MTM1: variants seen among roughly 807,000 people sequenced by gnomAD.
The protein encoded by MTM1 is myotubularin.
In MTM1, 9 loss-of-function variants were observed where a neutral mutation model predicts 52.1. The observed-to-expected ratio is 0.17, with a 90% CI of 0.10 to 0.30. The LOEUF (loss-of-function observed/expected upper bound fraction) is 0.30. Among genes scored for constraint, MTM1 ranks in the 10% least tolerant of loss-of-function variants. The pLI is 1.00. For synonymous variants in MTM1, 136 were observed against 163.8 expected, an observed-to-expected ratio of 0.83 and a Z score of 1.29; for missense variants, 277 against 470.7, an observed-to-expected ratio of 0.59 and a Z score of 3.81.
chrX:150,577,266 A>G (rs1489667957), intron 1 of MTM1, among the ~76,000 whole-genome samples: 1 of 112,498 alleles, frequency 8.9e-6, no homozygotes, highest in Non-Finnish European at 1.9e-5. Flanking sequence ...AGCTGCCATG[A>G]ACATTCACAT....
chrX:150,591,006 G>C (rs1218275433), intron 1 of MTM1: 9 of 745,740 alleles, frequency 1.2e-5, no homozygotes, highest in Middle Eastern at 7.5e-4. Context: ...CTATCTCTGA[G>C]AATAATGGGT....
chrX:150,614,609 T>C lies in MTM1; in HGVS notation c.252T>C (p.Asp84=), dbSNP rs1569565437. ...SLETDSSLIL[D]VPLGVISRIE... ...TACAGGATTCTTCTCTAATACTTGA[T>C]GTTCCTCTGGGTGTGATCTCGAGAA... Residue 84 remains aspartate, a synonymous_variant, in exon 5 of 15, where the codon GAT becomes GAC. Coordinates refer to ENST00000370396, the MANE Select transcript of MTM1 (RefSeq NM_000252.3). The C allele has an allele frequency of 8.4e-7, 1 of 1,195,578 alleles. No individual in the cohort carries two copies.
intron 6 of MTM1, among the ~76,000 whole-genome samples, chrX:150,631,814 T>C (rs1266267163): frequency 9.0e-6 from 1 of 111,712 alleles, no homozygotes; most frequent in African/African-American, 3.3e-5. Flanking sequence ...AACTCTTTCT[T>C]CCCCTCTTGT....
chrX:150,572,442 C>T (rs1346347923), intron 1 of MTM1, among the ~76,000 whole-genome samples: 1 of 112,205 alleles, frequency 8.9e-6, no homozygotes, highest in Admixed American at 9.4e-5. Flanking sequence ...TGTGGCCTCT[C>T]TGCCTCAATC....
At position 150,671,536 on chromosome X, in the gene MTM1, C is replaced by G. The variant is rs1195705222; in HGVS notation, c.1753C>G (p.Pro585Ala). Residue 585 changes from proline to alanine, a missense_variant, in exon 15 of 15, where the codon CCC becomes GCC. By Grantham distance (27) the Pro-to-Ala change is conservative. Transcript: ENST00000370396. ...CGCCAACTCTGCCAAGCTTTCTGAT[C>G]CCCCAACTTCACCTTCCAGTCCTTC... ...QLANSAKLSD[P>A]PTSPSSPSQM... The G allele has an allele frequency of 1.7e-6, 2 of 1,211,332 alleles. No individual in the cohort carries two copies.
At position 150,659,568 on chromosome X, in the gene MTM1, G is replaced by C. The variant is rs938554847; in HGVS notation, c.1261-96G>C. The C allele has an allele frequency of 5.0e-5, 34 of 674,376 alleles. No individual in the cohort carries two copies. In the South Asian group the frequency reaches 7.7e-4, roughly 15 times the overall value. 55.6% of individuals were successfully genotyped at this position (674,376 alleles called of 1,213,427 possible). The stretch of plus-strand genomic sequence containing the variant: ...CTCTGAGAAACTTGGCATTTAGAAG[G>C]CACATTGCTGAATTGTATTGTCACA... On this transcript the variant is annotated intron_variant, in intron 11 of 14. Transcript: ENST00000370396.
At chrX:150,615,049 G>A (rs2039357769) in intron 5 of MTM1, among the ~76,000 whole-genome samples, 1 of 111,641 alleles carries the variant, frequency 9.0e-6, no homozygotes, top group African/African-American at 3.3e-5. Flanking sequence ...AAGGAAGGAG[G>A]AATAGAAGAG....
intron 3 of MTM1, among the ~76,000 whole-genome samples, chrX:150,598,036 A>G (rs1270695345): frequency 8.9e-6 from 1 of 111,849 alleles, no homozygotes; most frequent in African/African-American, 3.2e-5. Context: ...GCAGTGAGCC[A>G]TGATTGTGCC....
At chrX:150,640,233 C>G (rs1557413817) in intron 7 of MTM1, among the ~76,000 whole-genome samples, 1 of 111,718 alleles carries the variant, frequency 9.0e-6, no homozygotes, top group Non-Finnish European at 1.9e-5. Context: ...AACATTAAGA[C>G]TTTTTTTTAG....
chrX:150,669,338 A>C (rs1172886824), intron 14 of MTM1, among the ~76,000 whole-genome samples: 1 of 112,119 alleles, frequency 8.9e-6, no homozygotes, highest in East Asian at 2.8e-4. Context: ...TGCAGTAAAC[A>C]TGTGTGCATG....
chrX:150,594,118 A>AT (rs782743278), intron 2 of MTM1, among the ~76,000 whole-genome samples: 2,517 of 105,843 alleles, frequency 0.024, 83 homozygotes, highest in African/African-American at 0.083. Flanking sequence ...TGTGTGTATA[A>AT]TTTTTTTTTG....
intron 8 of MTM1, among the ~76,000 whole-genome samples, chrX:150,641,739 A>C (rs1359071481): frequency 8.9e-6 from 1 of 111,739 alleles, no homozygotes; most frequent in Non-Finnish European, 1.9e-5. Flanking sequence ...TTTGTGGCAC[A>C]GTACATGATA....
At chrX:150,583,868 A>AAATACATATTAAATATATATATTT (rs2038717275) in intron 1 of MTM1, among the ~76,000 whole-genome samples, 1 of 44,227 alleles carries the variant, frequency 2.3e-5, no homozygotes, top group Non-Finnish European at 3.7e-5. Context: ...AATATATATT[A>AAATACATATTAAATATATATATTT]AATATATATT....
intron 1 of MTM1, among the ~76,000 whole-genome samples, chrX:150,580,534 C>CTT (rs370685704): frequency 9.8e-6 from 1 of 102,201 alleles, no homozygotes; most frequent in African/African-American, 3.5e-5. Context: ...TTATTTCTGC[C>CTT]TTTTTTTTTT....
intron 6 of MTM1, among the ~76,000 whole-genome samples, chrX:150,630,115 CAG>C (rs1557413519): frequency 8.9e-6 from 1 of 111,795 alleles, no homozygotes. Context: ...TTTTTTTAAA[CAG>C]AGTCTTGCTC....
chrX:150,653,707 A>G (rs1418049777), intron 10 of MTM1, among the ~76,000 whole-genome samples: 1 of 112,266 alleles, frequency 8.9e-6, no homozygotes, highest in Non-Finnish European at 1.9e-5. Flanking sequence ...CTCTCAAATC[A>G]TCATTCCAGT....
At chrX:150,572,271 G>A (rs2038390913) in intron 1 of MTM1, among the ~76,000 whole-genome samples, 1 of 111,879 alleles carries the variant, frequency 8.9e-6, no homozygotes, top group Admixed American at 9.5e-5. Flanking sequence ...CAAGTTTCCA[G>A]AGTTCGTCAG....
At chrX:150,650,855 A>G (rs1303160911) in intron 10 of MTM1, among the ~76,000 whole-genome samples, 1 of 111,891 alleles carries the variant, frequency 8.9e-6, no homozygotes, top group Non-Finnish European at 1.9e-5. Context: ...CCTGACAGCC[A>G]CACCCCTGTT....
intron 4 of MTM1, among the ~76,000 whole-genome samples, chrX:150,605,626 A>G (rs2039143304): frequency 8.9e-6 from 1 of 112,471 alleles, no homozygotes; most frequent in Non-Finnish European, 1.9e-5. Context: ...GTGAAGAACT[A>G]TATAATGTGG....
Sources: gnomAD v4.1 joint callset for allele counts (sites outside exome capture counted in the v4.1 genomes callset) on GRCh38, gnomAD v4.1.1 for gene constraint, MANE v1.5 for transcripts, NCBI Gene and HGNC (gene_info 2026-07-23, HGNC 2026-07-21) for gene names.